Variants in NOX4 observed in about 807,000 individuals in gnomAD.
NOX4 encodes kidney oxidase-1.
A neutral mutation model predicts 87.6 loss-of-function variants in NOX4; 69 were observed. The ratio of observed to expected loss-of-function variants is 0.79; its 90% CI spans 0.65 to 0.96. The LOEUF is 0.96. Among genes scored for constraint, NOX4 ranks in the 40% least tolerant of loss-of-function variants. NOX4 has a pLI of 0.00. For synonymous variants in NOX4, 275 were observed against 238.2 expected, an observed-to-expected ratio of 1.15 and a Z score of -1.42; for missense variants, 680 against 681.5, an observed-to-expected ratio of 1.00 and a Z score of 0.02.
the NOX4 span, among the ~76,000 whole-genome samples, chr11:89,567,947 A>G: frequency 1.3e-5 from 2 of 152,176 alleles, no homozygotes; most frequent in Non-Finnish European, 2.9e-5. Context: ...GCATGTGTGG[A>G]CCCTGATGCC....
At chr11:89,571,012 C>T in the NOX4 span, among the ~76,000 whole-genome samples, 1 of 152,154 alleles carries the variant, frequency 6.6e-6, no homozygotes, top group East Asian at 1.9e-4. Flanking sequence ...AATGTAACTT[C>T]TTTTGCTCAG....
chr11:89,397,631 A>T (rs1941577409), intron 11 of NOX4, among the ~76,000 whole-genome samples: 1 of 152,134 alleles, frequency 6.6e-6, no homozygotes, highest in Non-Finnish European at 1.5e-5. Flanking sequence ...AATAAAAGGG[A>T]TATGACCACT....
intron 11 of NOX4, among the ~76,000 whole-genome samples, chr11:89,380,856 T>C (rs1940231249): frequency 6.6e-6 from 1 of 152,200 alleles, no homozygotes; most frequent in African/African-American, 2.4e-5. Context: ...TAACCTATCA[T>C]GTATCCCAGC....
At chr11:89,424,570 C>T (rs1943273008) in intron 7 of NOX4, among the ~76,000 whole-genome samples, 1 of 151,714 alleles carries the variant, frequency 6.6e-6, no homozygotes, top group South Asian at 2.1e-4. Flanking sequence ...AACCCCAATA[C>T]TGGCTTTTAT....
At chr11:89,514,598 T>C in the NOX4 span, among the ~76,000 whole-genome samples, 1 of 151,958 alleles carries the variant, frequency 6.6e-6, no homozygotes, top group Non-Finnish European at 1.5e-5. Flanking sequence ...GAGCATTGAG[T>C]ACTTCTTATG....
At chr11:89,375,470 T>C (rs564455104) in intron 11 of NOX4, among the ~76,000 whole-genome samples, 103 of 152,202 alleles carry the variant, frequency 6.8e-4, no homozygotes, top group African/African-American at 2.0e-3. Flanking sequence ...CATGCCCAGC[T>C]ATTTTTCTTG....
At chr11:89,355,549 A>T (rs1181190650) in intron 12 of NOX4, among the ~76,000 whole-genome samples, 1 of 151,958 alleles carries the variant, frequency 6.6e-6, no homozygotes, top group Non-Finnish European at 1.5e-5. Flanking sequence ...ATACTAAGAG[A>T]TGCACAGTCT....
At chr11:89,375,093 T>A (rs1386900092) in intron 11 of NOX4, among the ~76,000 whole-genome samples, 1 of 152,132 alleles carries the variant, frequency 6.6e-6, no homozygotes, top group East Asian at 1.9e-4. Context: ...AAGCACATAA[T>A]CTATGTCCAA....
At chr11:89,581,713 T>A in the NOX4 span, among the ~76,000 whole-genome samples, 1 of 152,156 alleles carries the variant, frequency 6.6e-6, no homozygotes, top group African/African-American at 2.4e-5. Context: ...ATTATTGAGG[T>A]ATAATCTACA....
At chr11:89,505,677 A>G in the NOX4 span, among the ~76,000 whole-genome samples, 4 of 151,876 alleles carry the variant, frequency 2.6e-5, no homozygotes, top group Non-Finnish European at 5.9e-5. Context: ...ATGTGAGGAG[A>G]AAACAGGAAT....
At position 89,481,253 on chromosome 11, in the gene NOX4, TTA is replaced by T. The variant is rs1295461983; in HGVS notation, c.153+9203_153+9204del. Among the ~76,000 whole-genome samples, 4 of 151,722 alleles carry T rather than the reference TTA, an allele frequency of 2.6e-5. 1 individual carries two copies. Among genetic ancestry groups the T allele is most frequent in the Non-Finnish European group, 5.9e-5 (4 of 67,900 alleles). On this transcript the variant is annotated intron_variant, in intron 2 of 17. Transcript: ENST00000263317. ...CTGAATTCTTTTTAACATATATATG[TTA>T]TATATATATGTGTGTGTGTATATAT...
chr11:89,370,012 T>G (rs1348946158), intron 12 of NOX4, among the ~76,000 whole-genome samples: 1 of 152,026 alleles, frequency 6.6e-6, no homozygotes, highest in Non-Finnish European at 1.5e-5. Context: ...ATAACACGAC[T>G]GGCTCCTACA....
chr11:89,545,590 A>G, the NOX4 span: 1 of 152,102 alleles, frequency 6.6e-6, no homozygotes. Flanking sequence ...TACAGATGAC[A>G]ATACATCACC....
chr11:89,565,028 A>G, the NOX4 span, among the ~76,000 whole-genome samples: 1 of 152,086 alleles, frequency 6.6e-6, no homozygotes, highest in East Asian at 1.9e-4. Flanking sequence ...CTGCTTACTG[A>G]TATCTAAAAA....
chr11:89,585,077 G>A, the NOX4 span, among the ~76,000 whole-genome samples: 1 of 152,140 alleles, frequency 6.6e-6, no homozygotes, highest in African/African-American at 2.4e-5. Flanking sequence ...TGTATTGTCA[G>A]GTATCTGGCA....
the NOX4 span, among the ~76,000 whole-genome samples, chr11:89,514,951 T>C: frequency 6.6e-6 from 1 of 152,012 alleles, no homozygotes; most frequent in East Asian, 1.9e-4. Context: ...TCATTTGTTT[T>C]TATTGCTGAG....
chr11:89,355,435 T>C (rs1299836203), intron 12 of NOX4, among the ~76,000 whole-genome samples: 2 of 149,324 alleles, frequency 1.3e-5, no homozygotes, highest in African/African-American at 4.9e-5. Context: ...ATATTTCTCA[T>C]ATATAAATAT....
chr11:89,396,972 A>G (rs1941536185), intron 11 of NOX4, among the ~76,000 whole-genome samples: 1 of 98,104 alleles, frequency 1.0e-5, no homozygotes, highest in Admixed American at 1.0e-4. Context: ...AGCGGACCTA[A>G]TAGATATCTA....
chr11:89,424,617 T>G, intron 7 of NOX4, among the ~76,000 whole-genome samples: 1 of 152,024 alleles, frequency 6.6e-6, no homozygotes, highest in East Asian at 1.9e-4. Context: ...TTTTAATTTT[T>G]AGCTTATTTA....
Sources: gnomAD v4.1 joint callset for allele counts (sites outside exome capture counted in the v4.1 genomes callset) on GRCh38, gnomAD v4.1.1 for gene constraint, MANE v1.5 for transcripts, NCBI Gene and HGNC (gene_info 2026-07-23, HGNC 2026-07-21) for gene names.